Variants in ANKS1B observed in about 807,000 individuals in gnomAD.
ANKS1B encodes ankyrin repeat and sterile alpha motif domain containing 1B.
A neutral mutation model predicts 148.3 loss-of-function variants in ANKS1B; 36 were observed. The observed-to-expected ratio is 0.24, with a 90% CI of 0.19 to 0.32. The LOEUF (loss-of-function observed/expected upper bound fraction) is 0.32. ANKS1B is among the 10% of genes least tolerant of loss of function. ANKS1B has a pLI of 1.00. For synonymous variants in ANKS1B, 542 were observed against 560.8 expected, an observed-to-expected ratio of 0.97 and a Z score of 0.47; for missense variants, 1,157 against 1,542.6, an observed-to-expected ratio of 0.75 and a Z score of 4.19.
At chr12:99,581,650 G>A (rs2097570319) in intron 9 of ANKS1B, among the ~76,000 whole-genome samples, 1 of 152,030 alleles carries the variant, frequency 6.6e-6, no homozygotes, top group Non-Finnish European at 1.5e-5. Context: ...CAGCACTTTG[G>A]GAGGCCGAGG....
chr12:99,434,286 A>G (rs997335621), intron 11 of ANKS1B, among the ~76,000 whole-genome samples: 2 of 152,054 alleles, frequency 1.3e-5, no homozygotes, highest in African/African-American at 2.4e-5. Flanking sequence ...AATAATGCCA[A>G]CTCTACTTTC....
At chr12:99,503,086 G>T (rs2096671468) in intron 10 of ANKS1B, among the ~76,000 whole-genome samples, 1 of 152,148 alleles carries the variant, frequency 6.6e-6, no homozygotes, top group African/African-American at 2.4e-5. Flanking sequence ...ACAGGCATGG[G>T]CCATCACGTC....
intron 9 of ANKS1B, among the ~76,000 whole-genome samples, chr12:99,579,304 T>C (rs1249501692): frequency 6.6e-6 from 1 of 151,994 alleles, no homozygotes; most frequent in Non-Finnish European, 1.5e-5. Flanking sequence ...GACTTCACGA[T>C]GAAGTCTCCA....
chr12:99,364,466 C>A (rs1021286458), intron 12 of ANKS1B, among the ~76,000 whole-genome samples: 3 of 152,148 alleles, frequency 2.0e-5, no homozygotes, highest in African/African-American at 7.2e-5. Context: ...ATTGTTACTG[C>A]CATAGCTCTT....
chr12:99,196,501 T>A (rs943130388), intron 14 of ANKS1B, among the ~76,000 whole-genome samples: 5 of 152,164 alleles, frequency 3.3e-5, no homozygotes, highest in African/African-American at 1.2e-4. Context: ...ACCAGGGCAA[T>A]CCTGACCACA....
intron 1 of ANKS1B, among the ~76,000 whole-genome samples, chr12:99,925,810 T>C (rs1024713184): frequency 2.6e-5 from 4 of 152,212 alleles, no homozygotes; most frequent in Non-Finnish European, 5.9e-5. Context: ...AGAATTGTCA[T>C]CCAATATGAA....
chr12:99,533,649 G>A (rs1270232677), intron 9 of ANKS1B, among the ~76,000 whole-genome samples: 3 of 152,164 alleles, frequency 2.0e-5, no homozygotes, highest in African/African-American at 7.2e-5. Flanking sequence ...TCCCCATTCA[G>A]TATGATGTTG....
chr12:99,282,460 G>A (rs2078598426), intron 12 of ANKS1B, among the ~76,000 whole-genome samples: 1 of 152,146 alleles, frequency 6.6e-6, no homozygotes, highest in Non-Finnish European at 1.5e-5. Flanking sequence ...GGAGAGATGT[G>A]ACATGTGTTT....
At chr12:99,370,532 A>G (rs2093071050) in intron 12 of ANKS1B, among the ~76,000 whole-genome samples, 1 of 152,166 alleles carries the variant, frequency 6.6e-6, no homozygotes, top group Admixed American at 6.5e-5. Context: ...ACACACAGAC[A>G]TGCAATGAAT....
At chr12:99,854,887 G>C (rs2088707237) in intron 1 of ANKS1B, among the ~76,000 whole-genome samples, 1 of 151,996 alleles carries the variant, frequency 6.6e-6, no homozygotes, top group East Asian at 1.9e-4. Flanking sequence ...TAAAAGAAGT[G>C]CTAAAAGGAG....
intron 12 of ANKS1B, among the ~76,000 whole-genome samples, chr12:99,273,083 T>C (rs568107432): frequency 9.8e-5 from 15 of 152,358 alleles, no homozygotes; most frequent in African/African-American, 3.6e-4. Flanking sequence ...GTAGACATTC[T>C]GAAATCCAGT....
chr12:99,336,247 A>G (rs1023050492), intron 12 of ANKS1B, among the ~76,000 whole-genome samples: 1 of 151,480 alleles, frequency 6.6e-6, no homozygotes, highest in African/African-American at 2.4e-5. Flanking sequence ...GAGTTGTTTG[A>G]GTTCCTTATA....
Position 99,914,123 on chromosome 12 carries a change from C to T in ANKS1B, c.134+69981G>A, listed in dbSNP as rs1489989651. Among the ~76,000 whole-genome samples the T allele has an allele frequency of 3.9e-5, 6 of 152,158 alleles. No individual in the cohort carries two copies. The East Asian group carries it at 1.2e-3, about 29-fold the overall frequency. ...CTGGAACCACCTTGCACATACACTA[C>T]CCATGCCTAAGTCCTTACACCAGGG... On this transcript the variant is annotated intron_variant, in intron 1 of 26. Coordinates refer to ENST00000683438, the MANE Select transcript of ANKS1B (RefSeq NM_001352186.2).
chr12:99,475,939 A>T (rs2096312517), intron 10 of ANKS1B, among the ~76,000 whole-genome samples: 1 of 152,154 alleles, frequency 6.6e-6, no homozygotes, highest in South Asian at 2.1e-4. Flanking sequence ...CAGTATTAAA[A>T]AATCCAGATG....
chr12:99,965,678 C>T (rs2095476245), intron 1 of ANKS1B, among the ~76,000 whole-genome samples: 1 of 152,320 alleles, frequency 6.6e-6, no homozygotes, highest in African/African-American at 2.4e-5. Context: ...AATCCCAGCA[C>T]TCTGGATGGC....
At chr12:99,305,258 A>C (rs182681684) in intron 12 of ANKS1B, among the ~76,000 whole-genome samples, 6 of 152,254 alleles carry the variant, frequency 3.9e-5, no homozygotes, top group African/African-American at 1.2e-4. Context: ...ATTGGGGAAC[A>C]CATTTCAACA....
intron 14 of ANKS1B, among the ~76,000 whole-genome samples, chr12:99,189,885 G>T (rs2080409506): frequency 6.6e-6 from 1 of 152,108 alleles, no homozygotes; most frequent in Admixed American, 6.6e-5. Context: ...CAAATAGGAA[G>T]AGAGGAAGTC....
chr12:99,261,025 T>C (rs1188808085), intron 12 of ANKS1B, among the ~76,000 whole-genome samples: 1 of 152,190 alleles, frequency 6.6e-6, no homozygotes, highest in African/African-American at 2.4e-5. Context: ...TGACAATTTC[T>C]ACCTCTTTAA....
chr12:99,410,258 T>C (rs2094648736), intron 11 of ANKS1B, among the ~76,000 whole-genome samples: 1 of 152,230 alleles, frequency 6.6e-6, no homozygotes, highest in African/African-American at 2.4e-5. Flanking sequence ...ATGGCTGTTT[T>C]CCTGCTACAG....
Sources: allele counts gnomAD v4.1 joint callset (sites outside exome capture counted in the v4.1 genomes callset), GRCh38; gene constraint gnomAD v4.1.1; transcripts MANE v1.5; gene names NCBI Gene and HGNC (gene_info 2026-07-23, HGNC 2026-07-21).